The following SLC45A3 variants were observed in gnomAD, a reference collection of about 807,000 sequenced individuals.
SLC45A3 encodes the protein solute carrier family 45 member 3.
In SLC45A3, 17 loss-of-function variants were observed where a neutral mutation model predicts 35.3. The observed-to-expected ratio is 0.48, with a 90% CI of 0.33 to 0.72. SLC45A3 has a LOEUF of 0.72. Among genes scored for constraint, SLC45A3 ranks in the 30% least tolerant of loss-of-function variants. The probability of loss-of-function intolerance (pLI) is 0.02; values close to 1 mark genes in which losing one functional copy is unlikely to be tolerated. For missense variants in SLC45A3, 597 were observed against 731.7 expected (o/e 0.82, Z 2.12); for synonymous variants, 288 against 334.3 (o/e 0.86, Z 1.51).
rs1334525034 is a variant in SLC45A3, at chr1:205,664,646, C to T, written c.11G>A (p.Arg4Lys). 3.7e-6 allele frequency: 6 copies of T among 1,614,112 alleles called. No individual in the cohort carries two copies. The highest frequency in any genetic ancestry group is 5.1e-6 in the Non-Finnish European group (6 of 1,180,038). MVQ[R>K]LWVSRLLRHR... The stretch of plus-strand genomic sequence containing the variant: ...CCGCAGCAGGCGGCTCACCCACAGC[C>T]TCTGGACCATAGTGGGCCAGGCGGG... The change falls in exon 2 of 5, where the codon AGG becomes AAG. Residue 4 changes from arginine to lysine, a missense_variant. By Grantham distance (26) the Arg-to-Lys change is conservative. Transcript: ENST00000367145. This position sits in a 1 kb window ranked among gnomAD's most constrained non-coding sequence, Gnocchi z 5.3.
Position 205,663,180 on chromosome 1 carries a change from G to A in SLC45A3, c.611C>T (p.Thr204Ile). 9.9e-6 allele frequency: 16 copies of A among 1,613,128 alleles called. No homozygotes were observed. Among genetic ancestry groups the A allele is most frequent in the Non-Finnish European group, 1.4e-5 (16 of 1,179,916 alleles). The change falls in exon 3 of 5, where the codon ACC becomes ATC. Residue 204 changes from threonine to isoleucine, a missense_variant. This residue lies in a region of SLC45A3 where 555 missense variants were observed against 664.9 expected (regional missense o/e 0.83). Transcript: ENST00000367145. ...TQEECLFGLL[T>I]LIFLTCVAAT... ...TGCTACGCAGGTGAGGAAGATGAGG[G>A]TGAGCAGGCCAAAGAGGCACTCCTC...
chr1:205,657,916 T>G lies in SLC45A3; in HGVS notation c.*1318A>C, dbSNP rs1670952972. 1 of 213,168 alleles carries G rather than the reference T, an allele frequency of 4.7e-6. No homozygotes were observed. Among genetic ancestry groups the G allele is most frequent in the South Asian group, 1.9e-4 (1 of 5,324 alleles). The allele number at this position is 213,168 out of a possible 1,614,324, so 13.2% of individuals were successfully genotyped here. On this transcript the variant is annotated 3_prime_UTR_variant, in exon 5 of 5. Coordinates refer to ENST00000367145, the MANE Select transcript of SLC45A3 (RefSeq NM_033102.3). ...TTATACTCTGATTGCTCACTTACAG[T>G]ATAAAATATTCACCCCGCTAAATAA...
intron 4 of SLC45A3, among the ~76,000 whole-genome samples, chr1:205,660,360 T>G (rs1317260873): frequency 6.6e-6 from 1 of 152,140 alleles, no homozygotes; most frequent in Non-Finnish European, 1.5e-5. Context: ...TCAGAGTGAC[T>G]GGTCGACCAC....
chr1:205,671,636 A>G (rs1332850698), intron 1 of SLC45A3, among the ~76,000 whole-genome samples: 1 of 152,206 alleles, frequency 6.6e-6, no homozygotes. Flanking sequence ...AGGCAGGCAG[A>G]TTACCTGAGG....
At chr1:205,673,694 T>C (rs1671253623) in intron 1 of SLC45A3, among the ~76,000 whole-genome samples, 1 of 152,210 alleles carries the variant, frequency 6.6e-6, no homozygotes. Flanking sequence ...ATCTGAGTCC[T>C]AGAGTCTGTG....
At chr1:205,680,243 G>C (rs1558038945) in intron 1 of SLC45A3, among the ~76,000 whole-genome samples, 151 bp downstream of exon 1, 1 of 151,932 alleles carries the variant, frequency 6.6e-6, no homozygotes, top group Non-Finnish European at 1.5e-5. Context: ...GATTCGCGCG[G>C]GGCTCGGCGC....
chr1:205,670,974 G>A (rs745854016), intron 1 of SLC45A3, among the ~76,000 whole-genome samples: 8 of 152,252 alleles, frequency 5.3e-5, no homozygotes, highest in Non-Finnish European at 7.3e-5. Context: ...GCTGTGGCGC[G>A]GTGGAGAGTG....
At chr1:205,665,079 G>A (rs561075087) in intron 1 of SLC45A3, among the ~76,000 whole-genome samples, 193 bp from the exon 2 acceptor site, 13 of 152,306 alleles carry the variant, frequency 8.5e-5, no homozygotes, top group African/African-American at 3.1e-4. Flanking sequence ...TAATTAATAA[G>A]GTAAATATGA....
At chr1:205,670,845 C>T (rs1036395712) in intron 1 of SLC45A3, among the ~76,000 whole-genome samples, 10 of 152,326 alleles carry the variant, frequency 6.6e-5, no homozygotes, top group East Asian at 3.9e-4. Flanking sequence ...CCCGTCACTT[C>T]GGGCAGCAAA....
At position 205,659,532 on chromosome 1, in the gene SLC45A3, G is replaced by A. The variant is rs778349230; in HGVS notation, c.1364C>T (p.Pro455Leu). Residue 455 changes from proline to leucine, a missense_variant, in exon 5 of 5, where the codon CCA becomes CTA. Transcript: ENST00000367145. The surrounding 1 kb of genome is among the most constrained non-coding windows in gnomAD (Gnocchi z 5.8). The stretch of plus-strand genomic sequence containing the variant: ...GGCCCCGCAGAGCGCGGGTGGAGGT[G>A]GGAGCAGGCCACTGCCTCCAGCACC... ...HVGAGGSGLL[P>L]PPPALCGASA... The A allele has an allele frequency of 1.9e-6, 3 of 1,609,704 alleles. No homozygotes were observed. Among genetic ancestry groups the A allele is most frequent in the East Asian group, 2.2e-5 (1 of 44,808 alleles).
chr1:205,663,478 T>C lies in SLC45A3; in HGVS notation c.313A>G (p.Arg105Gly), dbSNP rs1315540240. ...AGCAGCCCTGCTAGCCAGCCGGCCC[T>C]TGGGATGAGAAAGAGGCTCAGCAGG... is the stretch of plus-strand genomic sequence containing the variant. ...GILLSLFLIP[R>G]AGWLAGLLCP... is the part of the protein sequence containing the mutation. The change falls in exon 3 of 5, where the codon AGG becomes GGG. Residue 105 changes from arginine to glycine, a missense_variant. Physicochemically the swap from Arg to Gly is moderately radical, Grantham distance 125. This residue lies in a region of SLC45A3 where 555 missense variants were observed against 664.9 expected (regional missense o/e 0.83). Coordinates refer to ENST00000367145, the MANE Select transcript of SLC45A3 (RefSeq NM_033102.3). 5 of 1,612,940 alleles carry C rather than the reference T, an allele frequency of 3.1e-6. No homozygotes were observed. In the African/African-American group the frequency reaches 5.3e-5, roughly 17 times the overall value.
At chr1:205,679,513 T>C (rs574330268) in intron 1 of SLC45A3, among the ~76,000 whole-genome samples, 1 of 152,232 alleles carries the variant, frequency 6.6e-6, no homozygotes, top group Non-Finnish European at 1.5e-5. Context: ...CAAGCCTGCC[T>C]AGGCCCAGAG....
In SLC45A3 at chr1:205,659,216, C is replaced by T. The variant is rs1282103221; in HGVS notation, c.*18G>A. 2.5e-6 allele frequency: 4 copies of T among 1,588,076 alleles called. No homozygotes were observed. In the East Asian group the frequency reaches 8.9e-5, roughly 36 times the overall value. The stretch of plus-strand genomic sequence containing the variant: ...ACCCAGTGAGGCAGGCCCTCCACCC[C>T]AATGTGCTGGAAGTTTTCTACGCTG... On this transcript the variant is annotated 3_prime_UTR_variant, in exon 5 of 5. Transcript: ENST00000367145. The surrounding 1 kb of genome is among the most constrained non-coding windows in gnomAD (Gnocchi z 5.8).
rs559173538 is a variant in SLC45A3 at position 205,666,177 on chromosome 1, C to T, written c.-230-1291G>A. On this transcript the variant is annotated intron_variant, in intron 1 of 4. Transcript: ENST00000367145. This position sits in a 1 kb window ranked among gnomAD's most constrained non-coding sequence, Gnocchi z 4.1. ...AAACCCCATGGGGCCTTGCATATTA[C>T]AAAGCGTGTTGTGGGTGCTCTGAGC... Among the ~76,000 whole-genome samples, 2 of 152,188 alleles carry T rather than the reference C, an allele frequency of 1.3e-5. No individual in the cohort carries two copies. Among genetic ancestry groups the T allele is most frequent in the East Asian group, 1.9e-4 (1 of 5,170 alleles).
chr1:205,663,716 G>A (rs971695475), intron 2 of SLC45A3, 98 bp from the exon 3 acceptor site: 52 of 1,216,194 alleles, frequency 4.3e-5, no homozygotes, highest in South Asian at 3.6e-4. Context: ...ATAACATTCC[G>A]TACTCGACAC....
rs1206855205 is a variant in SLC45A3, at chr1:205,680,040, CCCGGT to C, written c.-231+349_-231+353del. ...GCCGGTCCGCCAGCCGTCGGCCCGG[CCCGGT>C]CCGGCCCGGCCCGGGGCTCCGGGGA... is the stretch of plus-strand genomic sequence containing the variant. On this transcript the variant is annotated intron_variant, in intron 1 of 4. Coordinates refer to ENST00000367145, the MANE Select transcript of SLC45A3 (RefSeq NM_033102.3). Among the ~76,000 whole-genome samples the C allele has an allele frequency of 1.1e-3, 168 of 149,190 alleles. 1 individual carries two copies. Among genetic ancestry groups the C allele is most frequent in the Non-Finnish European group, 1.9e-3 (128 of 66,848 alleles).
At chr1:205,678,087 C>G (rs1015469247) in intron 1 of SLC45A3, among the ~76,000 whole-genome samples, 1 of 151,964 alleles carries the variant, frequency 6.6e-6, no homozygotes, top group Non-Finnish European at 1.5e-5. Flanking sequence ...GAGGCTGAGG[C>G]GGGTGGATCA....
chr1:205,672,208 T>TC lies in SLC45A3; in HGVS notation c.-230-7323dup, dbSNP rs566889783. Among the ~76,000 whole-genome samples the TC allele has an allele frequency of 7.8e-3, 1,176 of 150,562 alleles. 16 individuals carry two copies. The highest frequency in any genetic ancestry group is 8.6e-3 in the Non-Finnish European group (584 of 67,530). On this transcript the variant is annotated intron_variant, in intron 1 of 4. Transcript: ENST00000367145. ...AGTACACTTTCTTCTCGGTTTCCAT[T>TC]CCCCCCCCTCACCCACGTGCCTCCC...
chr1:205,668,341 G>C (rs1161245636), intron 1 of SLC45A3, among the ~76,000 whole-genome samples: 2 of 152,090 alleles, frequency 1.3e-5, no homozygotes, highest in African/African-American at 4.8e-5. Context: ...CTTCCCTGGA[G>C]CACAAACGGA....
Sources: gnomAD v4.1 joint callset for allele counts (sites outside exome capture counted in the v4.1 genomes callset) on GRCh38, gnomAD v4.1.1 for gene constraint, gnomAD v4.1.1 regional missense constraint, Gnocchi (gnomAD v3.1) non-coding constraint, MANE v1.5 for transcripts, NCBI Gene and HGNC (gene_info 2026-07-23, HGNC 2026-07-21) for gene names.